Variants in HERC2 observed in about 807,000 individuals in gnomAD.
HERC2 encodes HECT and RLD domain containing E3 ubiquitin protein ligase 2.
HERC2 carries 102 observed loss-of-function variants against 537.7 expected under a neutral mutation model. The ratio of observed to expected loss-of-function variants is 0.19; its 90% confidence interval spans 0.16 to 0.22. The LOEUF (loss-of-function observed/expected upper bound fraction) is 0.22, where lower values mean the gene tolerates loss of function less well. Among genes scored for constraint, HERC2 ranks in the 10% least tolerant of loss-of-function variants. The pLI is 1.00. For missense variants in HERC2, 4,236 were observed against 6,198.2 expected (o/e 0.68, Z 10.63); for synonymous variants, 2,224 against 2,466.2 (o/e 0.90, Z 2.91).
intron 4 of HERC2, among the ~76,000 whole-genome samples, chr15:28,284,919 GAAAAAAAA>G (rs551327935): frequency 1.8e-4 from 6 of 32,544 alleles, no homozygotes; most frequent in African/African-American, 2.5e-4. Flanking sequence ...CTCCGTCTCG[GAAAAAAAA>G]AAAAAAAAAA....
Position 28,311,280 on chromosome 15 carries a change from C to A in HERC2, c.72+10082G>T, listed in dbSNP as rs183159223. Among the ~76,000 whole-genome samples, 115 of 152,016 alleles carry A rather than the reference C, an allele frequency of 7.6e-4. No homozygotes were observed. In the East Asian group the frequency reaches 0.016, roughly 21 times the overall value. ...AGGAGTTCGAGACCAGCCAAAGCAA[C>A]ACGGTGAAACTCGGTCTCTACAAAA... On this transcript the variant is annotated intron_variant, in intron 2 of 92. Transcript: ENST00000261609.
At position 28,177,961 on chromosome 15, in the gene HERC2, G is replaced by A. The variant is rs2140163376; in HGVS notation, c.9164-452C>T. Among the ~76,000 whole-genome samples the A allele has an allele frequency of 6.6e-6, 1 of 152,264 alleles. No individual in the cohort carries two copies. Among genetic ancestry groups the A allele is most frequent in the African/African-American group, 2.4e-5 (1 of 41,560 alleles). ...CTCTTCCCAAAACACGTCAGCTTATGCTCTTTCCCCAGCATGGAATATTCT... is the reference window on the plus strand; with the variant it reads ...CTCTTCCCAAAACACGTCAGCTTATACTCTTTCCCCAGCATGGAATATTCT... On this transcript the variant is annotated intron_variant, in intron 59 of 92. Coordinates refer to ENST00000261609, the MANE Select transcript of HERC2 (RefSeq NM_004667.6). This position sits in a 1 kb window ranked among gnomAD's most constrained non-coding sequence, Gnocchi z 5.0.
At chr15:28,143,731 C>G in intron 74 of HERC2, 142 bp downstream of exon 74, 1 of 1,017,396 alleles carries the variant, frequency 9.8e-7, no homozygotes, top group Non-Finnish European at 1.5e-6. Context: ...CACGCATGAG[C>G]CACCGCGCCC....
intron 83 of HERC2, among the ~76,000 whole-genome samples, chr15:28,126,834 A>G (rs1388293586): frequency 1.3e-5 from 2 of 152,190 alleles, no homozygotes; most frequent in Admixed American, 1.3e-4. Flanking sequence ...GTAACCAAAC[A>G]CCACCTGTTC....
chr15:28,215,531 A>G (rs1899798302), intron 39 of HERC2, 90 bp downstream of exon 39: 2 of 1,073,534 alleles, frequency 1.9e-6, no homozygotes, highest in Non-Finnish European at 2.7e-6. Context: ...TGCACTCGTT[A>G]CTGAATAAAG....
At chr15:28,220,734 G>A (rs541738451) in intron 36 of HERC2, 90 bp from the exon 37 acceptor site, 6 of 1,050,642 alleles carry the variant, frequency 5.7e-6, no homozygotes, top group Non-Finnish European at 8.7e-6. Flanking sequence ...TTAGGAGGGT[G>A]CATGCCCTGC....
Position 28,265,908 on chromosome 15 carries a change from G to A in HERC2, c.1665C>T (p.His555=), listed in dbSNP as rs780119250. The A allele has an allele frequency of 2.5e-6, 4 of 1,614,186 alleles. No individual in the cohort carries two copies. Among genetic ancestry groups the A allele is most frequent in the African/African-American group, 1.3e-5 (1 of 75,062 alleles). Residue 555 remains histidine (H), a synonymous_variant, in exon 13 of 93, where the codon CAC becomes CAT. Coordinates refer to ENST00000261609, the MANE Select transcript of HERC2 (RefSeq NM_004667.6). This position sits in a 1 kb window ranked among gnomAD's most constrained non-coding sequence, Gnocchi z 4.0. The part of the protein sequence containing the change: ...SGKQAGKHVV[H]IACGSTYSAA... The stretch of plus-strand genomic sequence containing the variant: ...CACTGTAAGTGCTCCCGCAAGCGAT[G>A]TGCACCACGTGCTTCCCGGCCTGCT...
At chr15:28,257,358 C>T (rs2075293965) in intron 16 of HERC2, 97 bp from the exon 17 acceptor site, 5 of 968,506 alleles carry the variant, frequency 5.2e-6, no homozygotes, top group South Asian at 1.5e-5. Context: ...CTGCCTTATA[C>T]TATTACCTAT....
rs1567078015 is a variant in HERC2 at position 28,255,806 on chromosome 15, C to T, written c.2871+66G>A. 16 of 1,512,356 alleles carry T rather than the reference C, an allele frequency of 1.1e-5. No homozygotes were observed. In the East Asian group the frequency reaches 1.6e-4, roughly 15 times the overall value. The allele number at this position is 1,512,356 out of a possible 1,614,324, so 93.7% of individuals were successfully genotyped here. On this transcript the variant is annotated intron_variant, in intron 19 of 92. Transcript: ENST00000261609. ...TTTTACTGTTTTCAGTTATTCTTCA[C>T]GTGTGTGAGTGTGGTATTTCTGATC... is the stretch of plus-strand genomic sequence containing the variant.
intron 55 of HERC2, among the ~76,000 whole-genome samples, chr15:28,187,331 T>G (rs537777920): frequency 2.6e-5 from 4 of 152,010 alleles, no homozygotes; most frequent in African/African-American, 7.2e-5. Flanking sequence ...GGTTTTTTTT[T>G]TTGTTTTTTT....
rs773120446 is a variant in HERC2, at chr15:28,198,639, C to T, written c.7847G>A (p.Gly2616Asp). 2 of 1,613,916 alleles carry T rather than the reference C, an allele frequency of 1.2e-6. No individual in the cohort carries two copies. The highest frequency in any genetic ancestry group is 1.1e-5 in the South Asian group (1 of 91,022). Reference sequence around the variant, plus strand: ...ATGAATGTACCTAACCCAGTAGGTGCCCCCTTTCTGCTGCCAGTCACACTG... The same window carrying T: ...ATGAATGTACCTAACCCAGTAGGTGTCCCCTTTCTGCTGCCAGTCACACTG... The part of the protein sequence containing the change: ...NVQCDWQQKG[G>D]TYWVRYIHVE... Residue 2616 changes from glycine to aspartate, a missense_variant, in exon 49 of 93, where the codon GGC (glycine) becomes GAC (aspartate). By Grantham distance (94) the Gly-to-Asp change is moderately conservative. Transcript: ENST00000261609.
intron 65 of HERC2, among the ~76,000 whole-genome samples, chr15:28,172,052 C>T (rs529362813): frequency 3.9e-4 from 57 of 145,360 alleles, no homozygotes; most frequent in African/African-American, 1.3e-3. Context: ...TCCAGCCTGG[C>T]GACAGAGCGA....
Position 28,236,951 on chromosome 15 carries a change from A to C in HERC2, c.4003+12T>G, listed in dbSNP as rs747718911. The C allele has an allele frequency of 5.0e-6, 8 of 1,611,016 alleles. No homozygotes were observed. Among genetic ancestry groups the C allele is most frequent in the Non-Finnish European group, 5.1e-6 (6 of 1,179,092 alleles). ...TAATCTGCTGATCAGCAAAAAGCAA[A>C]GATTTTCTTACTGGCACATTCAATC... On this transcript the variant is annotated intron_variant, in intron 26 of 92. Coordinates refer to ENST00000261609, the MANE Select transcript of HERC2 (RefSeq NM_004667.6).
intron 68 of HERC2, among the ~76,000 whole-genome samples, chr15:28,163,689 T>C (rs1893845019): frequency 6.6e-6 from 1 of 152,242 alleles, no homozygotes; most frequent in Admixed American, 6.5e-5. Context: ...TCTAATTGTA[T>C]ACATTTTGTC....
intron 7 of HERC2, 63 bp from the exon 8 acceptor site, chr15:28,273,067 C>T (rs1332766769): frequency 8.8e-7 from 1 of 1,137,558 alleles, no homozygotes; most frequent in Admixed American, 1.7e-5. Context: ...TGCTTACAAT[C>T]ACACTAACAC....
intron 69 of HERC2, among the ~76,000 whole-genome samples, chr15:28,157,176 C>T (rs1228910161): frequency 2.0e-5 from 3 of 152,162 alleles, no homozygotes; most frequent in African/African-American, 7.2e-5. Context: ...ATTTTTGCAT[C>T]AATGTTCATC....
At chr15:28,172,650 T>C (rs1394923050) in intron 65 of HERC2, among the ~76,000 whole-genome samples, 1 of 152,214 alleles carries the variant, frequency 6.6e-6, no homozygotes, top group Non-Finnish European at 1.5e-5. Flanking sequence ...TATCTAAAAC[T>C]ACAAAACTTC....
At chr15:28,161,253 A>AT (rs139192448) in intron 69 of HERC2, among the ~76,000 whole-genome samples, 5,470 of 151,066 alleles carry the variant, frequency 0.036, 299 homozygotes, top group African/African-American at 0.13. Flanking sequence ...ACATTTAATG[A>AT]TTTTTTTTTT....
At position 28,122,673 on chromosome 15, in the gene HERC2, G is replaced by GT. The variant is rs1431032170; in HGVS notation, c.13189-1245dup. ...ATTTTGGTGCTCTGGACCGGGAGTA[G>GT]TAACACCCACTCTCTGAGGCCGATC... On this transcript the variant is annotated intron_variant, in intron 85 of 92. Transcript: ENST00000261609. The surrounding 1 kb of genome is among the most constrained non-coding windows in gnomAD (Gnocchi z 4.1). Among the ~76,000 whole-genome samples, 1 of 152,092 alleles carries GT rather than the reference G, an allele frequency of 6.6e-6. No homozygotes were observed. Among genetic ancestry groups the GT allele is most frequent in the Non-Finnish European group, 1.5e-5 (1 of 68,010 alleles).
Sources: allele counts gnomAD v4.1 joint callset (sites outside exome capture counted in the v4.1 genomes callset), GRCh38; gene constraint gnomAD v4.1.1; non-coding constraint Gnocchi (gnomAD v3.1); transcripts MANE v1.5; gene names NCBI Gene and HGNC (gene_info 2026-07-23, HGNC 2026-07-21).